NME5: variants seen among roughly 807,000 people sequenced by gnomAD.
NME5 encodes the protein nucleoside diphosphate kinase 5.
NME5 carries 18 observed loss-of-function variants against 21.6 expected under a neutral mutation model. That is an observed-to-expected ratio of 0.83 (90% CI 0.58 to 1.24). The LOEUF (loss-of-function observed/expected upper bound fraction) is 1.24. Ranked by LOEUF, NME5 falls within the 50% of genes most tolerant of loss-of-function variation. NME5 has a pLI of 0.00. For missense variants in NME5, 223 were observed against 255.4 expected, an observed-to-expected ratio of 0.87 and a Z score of 0.86; for synonymous variants, 70 against 80.6, an observed-to-expected ratio of 0.87 and a Z score of 0.71.
intron 3 of NME5, among the ~76,000 whole-genome samples, 198 bp downstream of exon 3, chr5:138,129,062 GGTA>G (rs1327270195): frequency 6.6e-6 from 1 of 151,928 alleles, no homozygotes; most frequent in Non-Finnish European, 1.5e-5. Flanking sequence ...TTTTCTGGTA[GGTA>G]GTATTAAAAT....
chr5:138,138,690 G>A lies in NME5; in HGVS notation c.91C>T (p.Gln31Ter), dbSNP rs1426824994. 3 of 1,612,426 alleles carry A rather than the reference G, an allele frequency of 1.9e-6. No individual in the cohort carries two copies. The Admixed American group carries it at 5.0e-5, about 27-fold the overall frequency. ...AATCCGGATCTAAGAATAATATCTTGTATCTCCTCCTCTTTGTCAACAATA... is the reference window on the plus strand; with the variant it reads ...AATCCGGATCTAAGAATAATATCTTATATCTCCTCCTCTTTGTCAACAATA... ...PDIVDKEEEI[Q>*]DIILRSGFTI... Residue 31 changes from glutamine to a stop codon, truncating the protein, a stop_gained, in exon 2 of 6, where the codon CAA becomes TAA. Transcript: ENST00000265191. LOFTEE classifies it high-confidence loss of function.
intron 2 of NME5, among the ~76,000 whole-genome samples, chr5:138,132,931 C>A (rs551995740): frequency 6.6e-6 from 1 of 151,696 alleles, no homozygotes; most frequent in East Asian, 1.9e-4. Flanking sequence ...TATGATTATG[C>A]GTATTAGCGT....
intron 4 of NME5, among the ~76,000 whole-genome samples, chr5:138,125,375 A>T (rs1164576368): frequency 2.6e-5 from 4 of 152,190 alleles, no homozygotes; most frequent in Admixed American, 2.0e-4. Flanking sequence ...AAAAGGGAAA[A>T]GAGACCAGCC....
intron 2 of NME5, among the ~76,000 whole-genome samples, chr5:138,134,553 G>C (rs1047158998): frequency 1.3e-5 from 2 of 151,200 alleles, no homozygotes; most frequent in African/African-American, 4.9e-5. Flanking sequence ...CCTAATTTTG[G>C]ATTTTTAGTA....
intron 4 of NME5, among the ~76,000 whole-genome samples, chr5:138,124,113 C>T (rs1387725702): frequency 6.8e-6 from 1 of 148,040 alleles, no homozygotes; most frequent in Admixed American, 6.9e-5. Context: ...TATCCTGCCT[C>T]AGCCTCCCGA....
At chr5:138,132,364 A>G (rs1561591079) in intron 2 of NME5, among the ~76,000 whole-genome samples, 2 of 152,242 alleles carry the variant, frequency 1.3e-5, no homozygotes, top group African/African-American at 4.8e-5. Flanking sequence ...GAAAAAAAAA[A>G]TTATTTATTA....
At chr5:138,132,997 T>C (rs1482177341) in intron 2 of NME5, among the ~76,000 whole-genome samples, 1 of 152,098 alleles carries the variant, frequency 6.6e-6, no homozygotes, top group Non-Finnish European at 1.5e-5. Context: ...TCTGTTGTAA[T>C]GTAAGCCCTT....
chr5:138,138,636 C>T lies in NME5; in HGVS notation c.129+16G>A, dbSNP rs140771499. 3.6e-3 allele frequency: 5,751 copies of T among 1,600,248 alleles called. 28 individuals carry two copies. Among genetic ancestry groups the T allele is most frequent in the Middle Eastern group, 0.014 (84 of 5,824 alleles). The stretch of plus-strand genomic sequence containing the variant: ...CAGAGAGGAAAAAAGCATGAATCAT[C>T]ATACCCAGAAGTTACCTGAACAATG... On this transcript the variant is annotated intron_variant, in intron 2 of 5. Coordinates refer to ENST00000265191, the MANE Select transcript of NME5 (RefSeq NM_003551.3).
chr5:138,119,963 G>T (rs1283971896), intron 4 of NME5, among the ~76,000 whole-genome samples: 1 of 150,886 alleles, frequency 6.6e-6, no homozygotes, highest in Non-Finnish European at 1.5e-5. Context: ...TTGACACAGG[G>T]TCTTGCTCCG....
chr5:138,129,662 T>C (rs1301395597), intron 2 of NME5, among the ~76,000 whole-genome samples, 194 bp from the exon 3 acceptor site: 2 of 152,178 alleles, frequency 1.3e-5, no homozygotes, highest in Non-Finnish European at 2.9e-5. Flanking sequence ...CTTAGCCTAC[T>C]TAAGAAAAAT....
chr5:138,128,531 C>G lies in NME5; in HGVS notation c.384G>C (p.Gly128=). ...TTTCCGCAGCAGCAAAGTCATTACT[C>G]CCATGAAGTGCATTCCTTAGGTCAT... ...GTDDLRNALH[G]SNDFAAAERE... The change falls in exon 4 of 6, where the codon GGG becomes GGC. Residue 128 remains glycine (G), a synonymous_variant. Coordinates refer to ENST00000265191, the MANE Select transcript of NME5 (RefSeq NM_003551.3). The G allele has an allele frequency of 6.2e-7, 1 of 1,613,116 alleles. No homozygotes were observed.
Position 138,115,398 on chromosome 5 carries a change from G to T in NME5, c.*283C>A. The T allele has an allele frequency of 4.5e-6, 1 of 220,496 alleles. No homozygotes were observed. Among genetic ancestry groups the T allele is most frequent in the South Asian group, 1.2e-4 (1 of 8,078 alleles). 13.7% of individuals were successfully genotyped at this position (220,496 alleles called of 1,614,324 possible). Reference sequence around the variant, plus strand: ...GGGAAAATGTATAACTAAACTTTATGTCTTACTTCTCAAACTTAAGAAAAA... The same window carrying T: ...GGGAAAATGTATAACTAAACTTTATTTCTTACTTCTCAAACTTAAGAAAAA... On this transcript the variant is annotated 3_prime_UTR_variant, in exon 6 of 6. Coordinates refer to ENST00000265191, the MANE Select transcript of NME5 (RefSeq NM_003551.3).
chr5:138,127,384 T>G (rs1017095660), intron 4 of NME5: 1 of 736,240 alleles, frequency 1.4e-6, no homozygotes, highest in Non-Finnish European at 1.7e-6. Context: ...CATCAGTTAT[T>G]CAAAACATGT....
intron 2 of NME5, among the ~76,000 whole-genome samples, chr5:138,132,499 T>C (rs1414351068): frequency 6.6e-6 from 1 of 152,172 alleles, no homozygotes; most frequent in East Asian, 1.9e-4. Flanking sequence ...AATGGAGATA[T>C]GTCACTAAGT....
chr5:138,134,767 C>A (rs1170783349), intron 2 of NME5, among the ~76,000 whole-genome samples: 1 of 150,870 alleles, frequency 6.6e-6, no homozygotes, highest in African/African-American at 2.4e-5. Flanking sequence ...GCTCTGTCAC[C>A]CAGGCTGGAG....
chr5:138,139,121 G>C (rs1047355200), intron 1 of NME5: 1 of 166,122 alleles, frequency 6.0e-6, no homozygotes, highest in Non-Finnish European at 1.3e-5. Context: ...GGTGGGGCGG[G>C]TGGTGGGGGC....
At position 138,138,716 on chromosome 5, in the gene NME5, T is replaced by C; in HGVS notation, c.65A>G (p.Asp22Gly). Residue 22 changes from aspartate to glycine, a missense_variant, in exon 2 of 6, where the codon GAT becomes GGT. Coordinates refer to ENST00000265191, the MANE Select transcript of NME5 (RefSeq NM_003551.3). ...TATCTCCTCCTCTTTGTCAACAATATCTGGTTTGATAATGGCCAGAGTTTT... is the reference window on the plus strand; with the variant it reads ...TATCTCCTCCTCTTTGTCAACAATACCTGGTTTGATAATGGCCAGAGTTTT... ...VEKTLAIIKP[D>G]IVDKEEEIQD... 6.2e-7 allele frequency: 1 copy of C among 1,612,894 alleles called. No individual in the cohort carries two copies. Among genetic ancestry groups the C allele is most frequent in the South Asian group, 1.1e-5 (1 of 90,974 alleles).
At chr5:138,127,581 G>C (rs753984950) in intron 4 of NME5, 3 of 984,226 alleles carry the variant, frequency 3.0e-6, no homozygotes, top group Non-Finnish European at 3.6e-6. Context: ...TCAATGCTTT[G>C]CATTTTTTTC....
chr5:138,117,710 C>T lies in NME5; in HGVS notation c.555+1108G>A, dbSNP rs145432662. Among the ~76,000 whole-genome samples the T allele has an allele frequency of 6.8e-3, 1,036 of 152,154 alleles. 11 individuals are homozygous for T. The highest frequency in any genetic ancestry group is 0.024 in the Middle Eastern group (7 of 294). ...AAAAAAAAGAAAGATAGGTCGGGCG[C>T]GGTGGCTCACACCTGCAATCCCAGC... On this transcript the variant is annotated intron_variant, in intron 5 of 5. Coordinates refer to ENST00000265191, the MANE Select transcript of NME5 (RefSeq NM_003551.3).
Sources: allele counts gnomAD v4.1 joint callset (sites outside exome capture counted in the v4.1 genomes callset), GRCh38; gene constraint gnomAD v4.1.1; transcripts MANE v1.5; gene names NCBI Gene and HGNC (gene_info 2026-07-23, HGNC 2026-07-21).